CSMD1: variants seen among roughly 807,000 people sequenced by gnomAD.
CSMD1 encodes CUB and sushi domain-containing protein 1.
A neutral mutation model predicts 417.5 loss-of-function variants in CSMD1; 213 were observed. That is an observed-to-expected ratio of 0.51 (90% CI 0.46 to 0.57). The LOEUF is 0.57. CSMD1 is among the 20% of genes least tolerant of loss of function. The pLI is 0.00. For synonymous variants in CSMD1, 2,862 were observed against 1,736.8 expected (o/e 1.65, Z -16.11); for missense variants, 6,923 against 4,529.7 (o/e 1.53, Z -15.17).
intron 1 of CSMD1, among the ~76,000 whole-genome samples, chr8:4,747,899 C>G (rs1409871857): frequency 2.0e-5 from 3 of 152,190 alleles, no homozygotes; most frequent in Non-Finnish European, 1.5e-5. Context: ...TTGCTTTAAG[C>G]AAAGGATAAT....
rs1297742448 is a variant in CSMD1 at position 3,547,174 on chromosome 8, C to A, written c.1344+27771G>T. ...CTCTGGGCTTGGCAAAGATGAATAC[C>A]TTGTCTTACACAAGAAAACAGGGCC... On this transcript the variant is annotated intron_variant, in intron 10 of 69. Transcript: ENST00000635120. 2.0e-5 allele frequency among the ~76,000 whole-genome samples: 3 copies of A among 152,324 alleles called. No individual in the cohort carries two copies. In the South Asian group the frequency reaches 6.2e-4, roughly 32 times the overall value.
intron 47 of CSMD1, among the ~76,000 whole-genome samples, chr8:3,091,919 A>C (rs1022653519): frequency 6.6e-6 from 1 of 152,212 alleles, no homozygotes; most frequent in Non-Finnish European, 1.5e-5. Flanking sequence ...TGTCTATAAA[A>C]CAGCAGTACC....
At chr8:4,358,343 G>C (rs534602167) in intron 3 of CSMD1, among the ~76,000 whole-genome samples, 5 of 152,302 alleles carry the variant, frequency 3.3e-5, no homozygotes, top group African/African-American at 9.6e-5. Context: ...AGGCCCATGA[G>C]CTTAGAATGA....
chr8:4,590,236 C>G (rs1326212226), intron 2 of CSMD1, among the ~76,000 whole-genome samples: 2 of 151,820 alleles, frequency 1.3e-5, no homozygotes, highest in Non-Finnish European at 2.9e-5. Flanking sequence ...AGAGTAGTGT[C>G]TAGCGTCATA....
At chr8:4,834,791 C>T (rs1369691013) in intron 1 of CSMD1, among the ~76,000 whole-genome samples, 1 of 151,038 alleles carries the variant, frequency 6.6e-6, no homozygotes, top group Non-Finnish European at 1.5e-5. Flanking sequence ...CCCGTCTCTA[C>T]TAAAAACACA....
Position 3,938,053 on chromosome 8 carries a change from C to A in CSMD1, c.818+59850G>T, listed in dbSNP as rs146660964. ...ATAAAAATGCTTTCCTAATTGACTT[C>A]CAACAATATTCTGGGGATTACACAG... On this transcript the variant is annotated intron_variant, in intron 5 of 69. Transcript: ENST00000635120. Among the ~76,000 whole-genome samples, 871 of 152,194 alleles carry A rather than the reference C, an allele frequency of 5.7e-3. 17 individuals are homozygous for A. Among genetic ancestry groups the A allele is most frequent in the Admixed American group, 0.04 (608 of 15,264 alleles).
chr8:4,048,124 A>T (rs948784237), intron 3 of CSMD1, among the ~76,000 whole-genome samples: 1 of 152,166 alleles, frequency 6.6e-6, no homozygotes, highest in Non-Finnish European at 1.5e-5. Context: ...ATTTCTAAAC[A>T]TACTTGCCTA....
At chr8:4,774,840 G>T (rs1380254076) in intron 1 of CSMD1, among the ~76,000 whole-genome samples, 5 of 143,908 alleles carry the variant, frequency 3.5e-5, no homozygotes, top group Admixed American at 6.7e-5. Flanking sequence ...CTGGAGGCAT[G>T]TGAAGTGTTG....
intron 7 of CSMD1, among the ~76,000 whole-genome samples, chr8:3,624,395 G>T (rs1363862854): frequency 6.6e-6 from 1 of 152,100 alleles, no homozygotes. Context: ...TAAGTTAAAC[G>T]TTGATTTATA....
intron 5 of CSMD1, among the ~76,000 whole-genome samples, chr8:3,903,485 T>A (rs545230377): frequency 1.3e-5 from 2 of 152,220 alleles, no homozygotes; most frequent in Non-Finnish European, 2.9e-5. Context: ...AGTGGTATTA[T>A]CGACAGCAGA....
chr8:3,650,858 G>A (rs918850186), intron 7 of CSMD1, among the ~76,000 whole-genome samples: 6 of 152,058 alleles, frequency 3.9e-5, no homozygotes, highest in African/African-American at 1.4e-4. Flanking sequence ...TCCCCTGTAT[G>A]TAACTATGAC....
chr8:3,499,331 A>C (rs1456439311), intron 10 of CSMD1, among the ~76,000 whole-genome samples: 4 of 152,066 alleles, frequency 2.6e-5, no homozygotes. Context: ...GTTCAGCTCT[A>C]ATGCAGATGG....
intron 7 of CSMD1, among the ~76,000 whole-genome samples, chr8:3,631,910 G>T (rs866485874): frequency 6.6e-6 from 1 of 152,126 alleles, no homozygotes; most frequent in African/African-American, 2.4e-5. Context: ...GACTGACGAA[G>T]CAAAACCCCC....
intron 3 of CSMD1, among the ~76,000 whole-genome samples, chr8:4,261,272 C>G (rs919023255): frequency 3.3e-5 from 5 of 152,132 alleles, no homozygotes; most frequent in Non-Finnish European, 5.9e-5. Context: ...GTTTTCTTCT[C>G]TTTCCTTTTT....
rs1807789055 is a variant in CSMD1, at chr8:3,343,401, T to G, written c.3524A>C (p.Lys1175Thr). 1.2e-6 allele frequency: 2 copies of G among 1,613,734 alleles called. No homozygotes were observed. The highest frequency in any genetic ancestry group is 1.3e-5 in the African/African-American group (1 of 74,926). The stretch of plus-strand genomic sequence containing the variant: ...TAGGATCAGCCCCAGAAGTTCATTT[T>G]TAGTGAACGTGCCCAGTGGACGTGA... Reference protein sequence around the residue: ...SSSRPLGTFTKNELLGLILNS... With the variant: ...SSSRPLGTFTTNELLGLILNS... The change falls in exon 23 of 70, where the codon AAA (lysine) becomes ACA (threonine). Residue 1175 changes from lysine (K) to threonine (T), a missense_variant. Physicochemically the swap from Lys to Thr is moderately conservative, Grantham distance 78 (BLOSUM62 -1). Coordinates refer to ENST00000635120, the MANE Select transcript of CSMD1 (RefSeq NM_033225.6).
chr8:3,875,415 G>C (rs546197761), intron 5 of CSMD1, among the ~76,000 whole-genome samples: 20 of 152,290 alleles, frequency 1.3e-4, no homozygotes, highest in Admixed American at 7.8e-4. Context: ...TTATGGATTG[G>C]AGGAGTTCCT....
At chr8:4,606,470 T>C (rs1800873274) in intron 2 of CSMD1, among the ~76,000 whole-genome samples, 1 of 152,148 alleles carries the variant, frequency 6.6e-6, no homozygotes, top group Admixed American at 6.5e-5. Flanking sequence ...TACAACATCA[T>C]CCGATGCCAA....
intron 20 of CSMD1, among the ~76,000 whole-genome samples, chr8:3,366,193 G>A (rs576978238): frequency 1.3e-5 from 2 of 152,270 alleles, no homozygotes; most frequent in East Asian, 3.9e-4. Context: ...TAATATGATT[G>A]TTCCCATCCT....
chr8:4,598,075 A>G (rs147565967), intron 2 of CSMD1, among the ~76,000 whole-genome samples: 1 of 152,256 alleles, frequency 6.6e-6, no homozygotes, highest in East Asian at 1.9e-4. Flanking sequence ...TGCAAAAATC[A>G]CAGAAAATAA....
Sources: allele counts gnomAD v4.1 joint callset (sites outside exome capture counted in the v4.1 genomes callset), GRCh38; gene constraint gnomAD v4.1.1; transcripts MANE v1.5; gene names NCBI Gene and HGNC (gene_info 2026-07-23, HGNC 2026-07-21).